AGBL4: variants seen among roughly 807,000 people sequenced by gnomAD.
The protein encoded by AGBL4 is AGBL carboxypeptidase 4.
Under a neutral mutation model 66.4 loss-of-function variants are expected in AGBL4, and 58 were observed. That is an observed-to-expected ratio of 0.87 (90% CI 0.71 to 1.09). The LOEUF (loss-of-function observed/expected upper bound fraction) is 1.09. Ranked by LOEUF, AGBL4 falls within the 50% of genes least tolerant of loss-of-function variation. The pLI is 0.00. For missense variants in AGBL4, 579 were observed against 631.0 expected (o/e 0.92, Z 0.88); for synonymous variants, 234 against 222.9 (o/e 1.05, Z -0.44).
intron 9 of AGBL4, among the ~76,000 whole-genome samples, chr1:48,628,831 C>T (rs1364393914): frequency 9.4e-6 from 1 of 106,880 alleles, no homozygotes; most frequent in Non-Finnish European, 1.7e-5. Flanking sequence ...ACCCACCCCC[C>T]ACCCCCACAT....
intron 3 of AGBL4, among the ~76,000 whole-genome samples, chr1:49,623,961 T>C (rs1286174978): frequency 6.6e-6 from 1 of 151,866 alleles, no homozygotes; most frequent in Non-Finnish European, 1.5e-5. Flanking sequence ...ATCTGTAGAA[T>C]GAGAATAAAA....
intron 5 of AGBL4, among the ~76,000 whole-genome samples, chr1:48,958,548 TG>T (rs1657692407): frequency 6.6e-6 from 1 of 152,222 alleles, no homozygotes; most frequent in African/African-American, 2.4e-5. Context: ...GGAAGAAACC[TG>T]GCCCCTGAAT....
At position 49,919,364 on chromosome 1, in the gene AGBL4, G is replaced by C. The variant is rs1419878498; in HGVS notation, c.35-67846C>G. ...TCATCTCAGCCCAAAATCTCCTTAA[G>C]CTGATAAGCAACTTCAGCAGCAAAG... On this transcript the variant is annotated intron_variant, in intron 1 of 13. Transcript: ENST00000371839. Among the ~76,000 whole-genome samples the C allele has an allele frequency of 2.0e-5, 3 of 152,180 alleles. No homozygotes were observed. The East Asian group carries it at 5.8e-4, about 29-fold the overall frequency.
intron 6 of AGBL4, among the ~76,000 whole-genome samples, chr1:48,710,957 A>C (rs12069771): frequency 0.92 from 138,963 of 151,852 alleles, 64,828 homozygotes; most frequent in Non-Finnish European, 1. Flanking sequence ...GGAAGCCTCC[A>C]GTGACAAACC....
At chr1:50,023,066 G>T (rs1480886430) in intron 1 of AGBL4, among the ~76,000 whole-genome samples, 1 of 151,876 alleles carries the variant, frequency 6.6e-6, no homozygotes, top group African/African-American at 2.4e-5. Flanking sequence ...GATTCTGAAT[G>T]ACCTTCAAGA....
chr1:48,641,633 T>G (rs1312868441), intron 8 of AGBL4, among the ~76,000 whole-genome samples: 1 of 152,186 alleles, frequency 6.6e-6, no homozygotes, highest in Non-Finnish European at 1.5e-5. Flanking sequence ...TGACTGAATC[T>G]ATTTCATTTG....
rs1648821656 is a variant in AGBL4 at position 49,507,658 on chromosome 1, A to G, written c.282+189655T>C. Among the ~76,000 whole-genome samples the G allele has an allele frequency of 2.0e-5, 3 of 151,950 alleles. No individual in the cohort carries two copies. The South Asian group carries it at 6.2e-4, about 31-fold the overall frequency. ...CTTGGAGGAAAAAATAATTATTGAT[A>G]AATGTTTTTAAGTTCTTGCATTAAA... On this transcript the variant is annotated intron_variant, in intron 3 of 13. Coordinates refer to ENST00000371839, the MANE Select transcript of AGBL4 (RefSeq NM_032785.4).
In AGBL4 at chr1:49,616,857, C is replaced by A. The variant is rs141214543; in HGVS notation, c.282+80456G>T. 2.2e-3 allele frequency among the ~76,000 whole-genome samples: 338 copies of A among 152,236 alleles called. 4 individuals are homozygous for A. Among genetic ancestry groups the A allele is most frequent in the African/African-American group, 7.8e-3 (325 of 41,548 alleles). ...ATCAACGAATCTATTGGTTATACTGCCAAATATTCCCAGAATCTCTACTCA... is the reference window on the plus strand; with the variant it reads ...ATCAACGAATCTATTGGTTATACTGACAAATATTCCCAGAATCTCTACTCA... On this transcript the variant is annotated intron_variant, in intron 3 of 13. Coordinates refer to ENST00000371839, the MANE Select transcript of AGBL4 (RefSeq NM_032785.4).
At chr1:49,730,913 G>A (rs1346935271) in intron 2 of AGBL4, among the ~76,000 whole-genome samples, 1 of 152,164 alleles carries the variant, frequency 6.6e-6, no homozygotes, top group African/African-American at 2.4e-5. Context: ...AATGAATGAA[G>A]GTAAGTATAC....
intron 3 of AGBL4, among the ~76,000 whole-genome samples, chr1:49,494,777 T>G (rs1452665801): frequency 6.6e-6 from 1 of 152,020 alleles, no homozygotes; most frequent in Non-Finnish European, 1.5e-5. Context: ...TATAGTCCTT[T>G]GGGTATATAC....
chr1:49,165,045 T>C (rs1242814804), intron 4 of AGBL4, among the ~76,000 whole-genome samples: 2 of 151,990 alleles, frequency 1.3e-5, no homozygotes, highest in Non-Finnish European at 2.9e-5. Context: ...AATGGAGCAA[T>C]GTATAATGTG....
chr1:48,535,208 A>G (rs1422616063), intron 12 of AGBL4, among the ~76,000 whole-genome samples: 1 of 152,126 alleles, frequency 6.6e-6, no homozygotes, highest in African/African-American at 2.4e-5. Context: ...AAAGCCATCA[A>G]CCAAAGATGG....
At chr1:49,103,963 T>C (rs1645249108) in intron 4 of AGBL4, among the ~76,000 whole-genome samples, 1 of 152,186 alleles carries the variant, frequency 6.6e-6, no homozygotes, top group South Asian at 2.1e-4. Flanking sequence ...AATCCCTTAG[T>C]GATTGGGTCC....
chr1:48,920,519 G>T (rs1334381774), intron 5 of AGBL4, among the ~76,000 whole-genome samples: 1 of 152,090 alleles, frequency 6.6e-6, no homozygotes, highest in East Asian at 1.9e-4. Flanking sequence ...TTCATATGCA[G>T]CTTTATAGTT....
chr1:49,216,200 T>G, intron 4 of AGBL4, among the ~76,000 whole-genome samples: 1 of 152,286 alleles, frequency 6.6e-6, no homozygotes, highest in South Asian at 2.1e-4. Flanking sequence ...TCTCTCCCAG[T>G]TAGACCACTG....
chr1:49,338,513 C>A (rs1429848816), intron 3 of AGBL4, among the ~76,000 whole-genome samples: 1 of 152,126 alleles, frequency 6.6e-6, no homozygotes, highest in East Asian at 1.9e-4. Context: ...TTATTCATCT[C>A]TACATATTTG....
chr1:49,614,453 G>A (rs976438732), intron 3 of AGBL4, among the ~76,000 whole-genome samples: 5 of 151,972 alleles, frequency 3.3e-5, no homozygotes, highest in Non-Finnish European at 7.4e-5. Flanking sequence ...TCAATTATAT[G>A]ATTTATAGCC....
chr1:49,948,496 A>T (rs1358110626), intron 1 of AGBL4, among the ~76,000 whole-genome samples: 10 of 110,940 alleles, frequency 9.0e-5, no homozygotes, highest in Admixed American at 2.3e-4. Context: ...AATATATAAA[A>T]ATATATATAA....
chr1:49,352,721 A>G (rs1016551572), intron 3 of AGBL4, among the ~76,000 whole-genome samples: 1 of 152,230 alleles, frequency 6.6e-6, no homozygotes, highest in Non-Finnish European at 1.5e-5. Context: ...ATAAAAAGCT[A>G]GCATGTATTG....
Sources: allele counts gnomAD v4.1 joint callset (sites outside exome capture counted in the v4.1 genomes callset), GRCh38; gene constraint gnomAD v4.1.1; transcripts MANE v1.5; gene names NCBI Gene and HGNC (gene_info 2026-07-23, HGNC 2026-07-21).